ANO4: variants seen among roughly 807,000 people sequenced by gnomAD.
ANO4 encodes anoctamin-4.
ANO4 carries 69 observed loss-of-function variants against 141.9 expected under a neutral mutation model. That is an observed-to-expected ratio of 0.49 (90% CI 0.40 to 0.59). ANO4 has a LOEUF of 0.59. ANO4 is among the 20% of genes least tolerant of loss of function. ANO4 has a pLI of 0.00. For missense variants in ANO4, 894 were observed against 1,162.2 expected, an observed-to-expected ratio of 0.77 and a Z score of 3.36; for synonymous variants, 350 against 394.3, an observed-to-expected ratio of 0.89 and a Z score of 1.33.
chr12:101,127,669 T>C (rs920439855), intron 27 of ANO4, among the ~76,000 whole-genome samples, 192 bp from the exon 28 acceptor site: 10 of 152,222 alleles, frequency 6.6e-5, no homozygotes, highest in African/African-American at 2.4e-4. Context: ...TGATGTTGCT[T>C]TAGACTGCCC....
In ANO4 at chr12:100,938,913, G is replaced by A. The variant is rs149631768; in HGVS notation, c.161-402G>A. On this transcript the variant is annotated intron_variant, in intron 3 of 27. Transcript: ENST00000392977. ...TATGGGTTCACTTGGCAAGCTATACGACACTTAAATGAAAAAATTAAATTT... is the reference window on the plus strand; with the variant it reads ...TATGGGTTCACTTGGCAAGCTATACAACACTTAAATGAAAAAATTAAATTT... Among the ~76,000 whole-genome samples the A allele has an allele frequency of 5.3e-5, 8 of 152,238 alleles. No homozygotes were observed. The East Asian group carries it at 1.2e-3, about 22-fold the overall frequency.
intron 1 of ANO4, among the ~76,000 whole-genome samples, chr12:100,859,690 G>A (rs781054628): frequency 1.6e-4 from 25 of 152,130 alleles, no homozygotes; most frequent in Non-Finnish European, 2.8e-4. Context: ...CAATAGTTTT[G>A]TGTTATATAA....
intron 9 of ANO4, among the ~76,000 whole-genome samples, chr12:101,026,414 T>C (rs1189557212): frequency 1.3e-5 from 2 of 152,198 alleles, no homozygotes; most frequent in East Asian, 3.8e-4. Context: ...ACTATGTTTA[T>C]GAGTCAGAAG....
chr12:100,867,613 C>G (rs1361921898), intron 1 of ANO4, among the ~76,000 whole-genome samples: 1 of 13,338 alleles, frequency 7.5e-5, no homozygotes, highest in East Asian at 3.3e-3. Flanking sequence ...CTCTCTCTCT[C>G]ACACACACAC....
chr12:101,019,212 G>A (rs2046425425), intron 8 of ANO4, among the ~76,000 whole-genome samples: 1 of 152,094 alleles, frequency 6.6e-6, no homozygotes, highest in Admixed American at 6.6e-5. Context: ...AATTTATGAA[G>A]GAGTTACATA....
Position 100,875,560 on chromosome 12 carries a change from A to G in ANO4, c.-140-26086A>G, listed in dbSNP as rs1165047096. On this transcript the variant is annotated intron_variant, in intron 1 of 27. Transcript: ENST00000392977. ...CTATAACTGCCCCTAAACTGCTTCAAAATTTTCACAACAGCCTCATTCACC... is the reference window on the plus strand; with the variant it reads ...CTATAACTGCCCCTAAACTGCTTCAGAATTTTCACAACAGCCTCATTCACC... Among the ~76,000 whole-genome samples the G allele has an allele frequency of 3.3e-5, 5 of 152,328 alleles. No homozygotes were observed. The South Asian group carries it at 6.2e-4, about 19-fold the overall frequency.
intron 22 of ANO4, among the ~76,000 whole-genome samples, chr12:101,107,711 C>T (rs1213237217): frequency 6.6e-6 from 1 of 152,058 alleles, no homozygotes; most frequent in Non-Finnish European, 1.5e-5. Context: ...GGTGAAGTTT[C>T]GGATTTATTC....
At chr12:100,943,387 G>A (rs2042592225) in intron 5 of ANO4, among the ~76,000 whole-genome samples, 2 of 152,194 alleles carry the variant, frequency 1.3e-5, no homozygotes, top group Admixed American at 1.3e-4. Flanking sequence ...CAGACATCCA[G>A]GTTTTTCTTT....
At chr12:100,743,695 C>T (rs1207321126) in intron 3 of ANO4, among the ~76,000 whole-genome samples, 1 of 152,136 alleles carries the variant, frequency 6.6e-6, no homozygotes, top group Non-Finnish European at 1.5e-5. Flanking sequence ...AAGAGTAAAA[C>T]TATTGTCACT....
chr12:100,717,653 G>T, intron 1 of ANO4: 1 of 397,416 alleles, frequency 2.5e-6, no homozygotes. Flanking sequence ...CTGCGGAGGG[G>T]TCTGGAAGGG....
chr12:100,739,189 A>G (rs1346201152), intron 2 of ANO4, among the ~76,000 whole-genome samples: 2 of 150,708 alleles, frequency 1.3e-5, no homozygotes, highest in Non-Finnish European at 3.0e-5. Flanking sequence ...TTTTGTGTAT[A>G]AGTGAGATCA....
intron 8 of ANO4, among the ~76,000 whole-genome samples, chr12:100,989,634 G>A (rs1049532221): frequency 4.2e-5 from 6 of 141,194 alleles, no homozygotes; most frequent in Admixed American, 4.2e-4. Flanking sequence ...TGGATGGATG[G>A]ATGGATGGAT....
intron 18 of ANO4, among the ~76,000 whole-genome samples, chr12:101,094,647 A>T (rs532599155): frequency 6.6e-6 from 1 of 152,292 alleles, no homozygotes; most frequent in East Asian, 1.9e-4. Context: ...TTAAAAATGT[A>T]TCAAGTTTTT....
rs79392856 is a variant in ANO4, at chr12:100,821,089, T to C, written c.-141+26062T>C. ...TAAAGGGACATTCCTATATTTTGGA[T>C]TGGCTCACGAATTCACCTGTTGATG... On this transcript the variant is annotated intron_variant, in intron 1 of 27. Coordinates refer to ENST00000392977, the MANE Select transcript of ANO4 (RefSeq NM_001286615.2). Among the ~76,000 whole-genome samples, 263 of 152,198 alleles carry C rather than the reference T, an allele frequency of 1.7e-3. 4 individuals are homozygous for C. In the East Asian group the frequency reaches 0.043, roughly 25 times the overall value.
intron 14 of ANO4, chr12:101,066,900 C>A (rs1420073942): frequency 8.5e-5 from 76 of 891,974 alleles, no homozygotes; most frequent in South Asian, 7.8e-4. Context: ...ACCACACTGC[C>A]CACATTTCAG....
intron 14 of ANO4, chr12:101,068,859 G>A: frequency 2.2e-6 from 2 of 912,914 alleles, no homozygotes; most frequent in Non-Finnish European, 3.7e-6. Flanking sequence ...GGAAAGTAGA[G>A]GGTTGAATCT....
Position 100,725,503 on chromosome 12 carries a change from C to G in ANO4, c.22+7956C>G, listed in dbSNP as rs560704753. 2.0e-5 allele frequency among the ~76,000 whole-genome samples: 3 copies of G among 152,126 alleles called. No individual in the cohort carries two copies. The East Asian group carries it at 5.8e-4, about 30-fold the overall frequency. ...CTGGGACTACAGGCGCCCACCACCACGCCCGGCTAATTTTTTGTATTTTTG... is the reference window on the plus strand; with the variant it reads ...CTGGGACTACAGGCGCCCACCACCAGGCCCGGCTAATTTTTTGTATTTTTG... On this transcript the variant is annotated intron_variant, in intron 1 of 29. Transcript: ENST00000644049.
chr12:101,099,757 A>G (rs776293924), intron 22 of ANO4, 37 bp downstream of exon 22: 13 of 1,473,898 alleles, frequency 8.8e-6, no homozygotes, highest in Non-Finnish European at 1.2e-5. Flanking sequence ...TTAATTATAA[A>G]TTTTAGATCT....
intron 3 of ANO4, among the ~76,000 whole-genome samples, chr12:100,741,208 TG>T (rs1025356606): frequency 9.9e-5 from 15 of 151,712 alleles, no homozygotes; most frequent in East Asian, 7.7e-4. Context: ...TTAGAGGTAA[TG>T]GTTTAGTCAG....
Sources: gnomAD v4.1 joint callset for allele counts (sites outside exome capture counted in the v4.1 genomes callset) on GRCh38, gnomAD v4.1.1 for gene constraint, MANE v1.5 for transcripts, NCBI Gene and HGNC (gene_info 2026-07-23, HGNC 2026-07-21) for gene names.